The following GALNT17 variants were observed in gnomAD, a reference collection of about 807,000 sequenced individuals.
GALNT17 encodes the protein polypeptide N-acetylgalactosaminyltransferase 17.
Under a neutral mutation model 63.7 loss-of-function variants are expected in GALNT17, and 29 were observed. The observed-to-expected ratio is 0.46, with a 90% CI of 0.34 to 0.62. GALNT17 has a LOEUF of 0.62. GALNT17 is among the 20% of genes least tolerant of loss of function. The pLI is 0.01. For missense variants in GALNT17, 603 were observed against 799.6 expected (o/e 0.75, Z 2.97); for synonymous variants, 305 against 318.3 (o/e 0.96, Z 0.45).
intron 1 of GALNT17, among the ~76,000 whole-genome samples, chr7:71,202,677 A>G (rs1398903782): frequency 6.6e-6 from 1 of 152,214 alleles, no homozygotes; most frequent in Non-Finnish European, 1.5e-5. Context: ...CAATTTTCAA[A>G]TATGTGATAC....
intron 2 of GALNT17, among the ~76,000 whole-genome samples, chr7:71,351,245 G>A (rs1206149549): frequency 1.3e-5 from 2 of 152,074 alleles, no homozygotes; most frequent in South Asian, 4.1e-4. Flanking sequence ...AGTTTGGAAT[G>A]GGCTTGATTT....
chr7:71,495,645 G>A (rs568036391), intron 5 of GALNT17, among the ~76,000 whole-genome samples: 27 of 152,194 alleles, frequency 1.8e-4, no homozygotes, highest in East Asian at 5.8e-4. Context: ...CTCCTGACCC[G>A]GCCTGGAATG....
chr7:71,336,660 G>A (rs183998532), intron 2 of GALNT17, among the ~76,000 whole-genome samples: 1 of 152,274 alleles, frequency 6.6e-6, no homozygotes, highest in African/African-American at 2.4e-5. Flanking sequence ...TGCCGCAAAG[G>A]ACATGATGTC....
chr7:71,532,779 G>A (rs1190445124), intron 5 of GALNT17, among the ~76,000 whole-genome samples: 1 of 152,096 alleles, frequency 6.6e-6, no homozygotes, highest in Admixed American at 6.6e-5. Flanking sequence ...ATGTGGGGAG[G>A]AACAAAGGAA....
intron 2 of GALNT17, among the ~76,000 whole-genome samples, chr7:71,357,501 C>CT (rs1171416584): frequency 6.6e-6 from 1 of 152,156 alleles, no homozygotes; most frequent in Non-Finnish European, 1.5e-5. Flanking sequence ...GAAGAGGACA[C>CT]TAAGTTTTCC....
intron 2 of GALNT17, among the ~76,000 whole-genome samples, chr7:71,356,292 A>G (rs1792283914): frequency 6.6e-6 from 1 of 152,176 alleles, no homozygotes; most frequent in African/African-American, 2.4e-5. Flanking sequence ...AATGATTCAC[A>G]AGATTTGTAG....
intron 2 of GALNT17, among the ~76,000 whole-genome samples, chr7:71,381,241 G>T (rs558685747): frequency 6.6e-6 from 1 of 151,986 alleles, no homozygotes; most frequent in African/African-American, 2.4e-5. Context: ...GATTCCAGGC[G>T]TGAGCCACCA....
chr7:71,510,142 T>C (rs1314083176), intron 5 of GALNT17, among the ~76,000 whole-genome samples: 2 of 152,096 alleles, frequency 1.3e-5, no homozygotes, highest in Non-Finnish European at 2.9e-5. Flanking sequence ...AGATGGGGCC[T>C]TGCTCTATTG....
intron 5 of GALNT17, among the ~76,000 whole-genome samples, chr7:71,509,248 A>T (rs1448450839): frequency 6.6e-6 from 1 of 152,218 alleles, no homozygotes; most frequent in Non-Finnish European, 1.5e-5. Context: ...CAGCCGGCTA[A>T]TGTAAGTGTT....
At position 71,570,825 on chromosome 7, in the gene GALNT17, C is replaced by G. The variant is rs149251838; in HGVS notation, c.963-460C>G. On this transcript the variant is annotated intron_variant, in intron 5 of 10. Coordinates refer to ENST00000333538, the MANE Select transcript of GALNT17 (RefSeq NM_022479.3). ...AGAAACCCCGGCTCTACTAAAAATA[C>G]AAAATTAGCTGTGCATGGTGGCGCA... Among the ~76,000 whole-genome samples, 1,130 of 152,048 alleles carry G rather than the reference C, an allele frequency of 7.4e-3. 17 individuals are homozygous for G. Among genetic ancestry groups the G allele is most frequent in the African/African-American group, 0.026 (1,086 of 41,484 alleles).
At chr7:71,398,431 C>T (rs1793179197) in intron 3 of GALNT17, among the ~76,000 whole-genome samples, 1 of 151,850 alleles carries the variant, frequency 6.6e-6, no homozygotes, top group Non-Finnish European at 1.5e-5. Context: ...CATTTTTATT[C>T]TCTGAAAGCT....
At chr7:71,265,098 T>TTTTTTATATATATATATA (rs144493671) in intron 1 of GALNT17, among the ~76,000 whole-genome samples, 2 of 78,370 alleles carry the variant, frequency 2.6e-5, no homozygotes, top group African/African-American at 4.6e-5. Flanking sequence ...CCCATAAATA[T>TTTTTTATATATATATATA]TATATATATA....
At chr7:71,395,051 G>A (rs533795906) in intron 3 of GALNT17, among the ~76,000 whole-genome samples, 6 of 152,020 alleles carry the variant, frequency 3.9e-5, no homozygotes, top group African/African-American at 1.2e-4. Flanking sequence ...GCATTGAGCC[G>A]AGATCATGCC....
intron 5 of GALNT17, among the ~76,000 whole-genome samples, chr7:71,509,532 C>T (rs939625971): frequency 5.3e-5 from 8 of 152,250 alleles, no homozygotes; most frequent in Non-Finnish European, 8.8e-5. Flanking sequence ...ATAATTATCT[C>T]TGTTGTGTAG....
chr7:71,208,398 A>C (rs1789313302), intron 1 of GALNT17, among the ~76,000 whole-genome samples: 1 of 152,004 alleles, frequency 6.6e-6, no homozygotes, highest in East Asian at 1.9e-4. Flanking sequence ...ACCCTCCCAG[A>C]AACATTTATG....
intron 1 of GALNT17, among the ~76,000 whole-genome samples, chr7:71,292,668 A>T (rs7456078): frequency 0.15 from 10,387 of 67,116 alleles, 450 homozygotes; most frequent in South Asian, 0.22. Flanking sequence ...AGAGAGAGAG[A>T]GTGTGTGTGT....
At chr7:71,579,311 T>G (rs534265705) in intron 6 of GALNT17, among the ~76,000 whole-genome samples, 3 of 152,304 alleles carry the variant, frequency 2.0e-5, no homozygotes, top group Admixed American at 2.0e-4. Context: ...TACTTCTGAT[T>G]AAATGGAAAC....
intron 1 of GALNT17, among the ~76,000 whole-genome samples, chr7:71,174,602 G>T (rs1379696216): frequency 1.3e-5 from 2 of 152,190 alleles, no homozygotes; most frequent in Non-Finnish European, 2.9e-5. Context: ...GGGATGGGCG[G>T]TGGAGTTAGG....
At chr7:71,475,638 A>C (rs1336819973) in intron 5 of GALNT17, among the ~76,000 whole-genome samples, 2 of 152,180 alleles carry the variant, frequency 1.3e-5, no homozygotes, top group Non-Finnish European at 2.9e-5. Context: ...AACAGGCTGC[A>C]GACCAGTACC....
Sources: allele counts gnomAD v4.1 joint callset (sites outside exome capture counted in the v4.1 genomes callset), GRCh38; gene constraint gnomAD v4.1.1; transcripts MANE v1.5; gene names NCBI Gene and HGNC (gene_info 2026-07-23, HGNC 2026-07-21).